The following BCL7A variants were observed in gnomAD, a reference collection of about 807,000 sequenced individuals.
The protein encoded by BCL7A is B-cell CLL/lymphoma 7 protein family member A.
BCL7A carries 11 observed loss-of-function variants against 28.4 expected under a neutral mutation model. That is an observed-to-expected ratio of 0.39 (90% CI 0.24 to 0.64). The LOEUF (loss-of-function observed/expected upper bound fraction) is 0.64. BCL7A is among the 30% of genes least tolerant of loss of function. BCL7A has a pLI of 0.50. For missense variants in BCL7A, 222 were observed against 274.8 expected, an observed-to-expected ratio of 0.81 and a Z score of 1.36; for synonymous variants, 123 against 103.3, an observed-to-expected ratio of 1.19 and a Z score of -1.15.
chr12:122,031,832 C>T (rs76673397), intron 2 of BCL7A, among the ~76,000 whole-genome samples: 12,155 of 152,208 alleles, frequency 0.08, 671 homozygotes, highest in African/African-American at 0.16. Context: ...GCAACTGCCC[C>T]GAGCAGACAG....
At position 122,029,819 on chromosome 12, in the gene BCL7A, G is replaced by T. The variant is rs192315643; in HGVS notation, c.93-881G>T. On this transcript the variant is annotated intron_variant, in intron 1 of 5. Coordinates refer to ENST00000261822, the MANE Select transcript of BCL7A (RefSeq NM_001024808.3). The surrounding 1 kb of genome is among the most constrained non-coding windows in gnomAD (Gnocchi z 4.3). ...TAAGGGACAAGTCGGAGTGCAGGGG[G>T]TCAAGGACAGGAGGTGGCTGGCTGT... 2.6e-5 allele frequency among the ~76,000 whole-genome samples: 4 copies of T among 152,200 alleles called. No individual in the cohort carries two copies. The highest frequency in any genetic ancestry group is 5.9e-5 in the Non-Finnish European group (4 of 68,040).
At chr12:122,046,326 C>A (rs1417982658) in intron 4 of BCL7A, among the ~76,000 whole-genome samples, 1 of 152,116 alleles carries the variant, frequency 6.6e-6, no homozygotes, top group East Asian at 1.9e-4. Flanking sequence ...AGCTGGCGAG[C>A]ATGGAATGTG....
At chr12:122,038,213 C>G (rs1883894277) in intron 3 of BCL7A, among the ~76,000 whole-genome samples, 1 of 151,922 alleles carries the variant, frequency 6.6e-6, no homozygotes, top group Admixed American at 6.6e-5. Context: ...GGGCGGGTCA[C>G]TTGAGGCCAG....
Position 122,062,014 on chromosome 12 carries a change from A to T in BCL7A, c.*2851A>T, listed in dbSNP as rs1274317449. 1.1e-5 allele frequency: 2 copies of T among 183,288 alleles called. No homozygotes were observed. The highest frequency in any genetic ancestry group is 1.3e-4 in the Admixed American group (2 of 15,902). The allele number at this position is 183,288 out of a possible 1,614,324, so 11.4% of individuals were successfully genotyped here. On this transcript the variant is annotated 3_prime_UTR_variant, in exon 6 of 6. Coordinates refer to ENST00000261822, the MANE Select transcript of BCL7A (RefSeq NM_001024808.3). ...GGTTTGTACAATGTACAATTGTTTC[A>T]TTTCAGAAAATAAAAATTTCAAATC...
At position 122,059,082 on chromosome 12, in the gene BCL7A, T is replaced by A; in HGVS notation, c.562-10T>A. ...ATTAACCTGTGTTCCCCTTTTCTCCTCTCCCCAAGGATTTGGAAGGAGTGC... is the reference window on the plus strand; with the variant it reads ...ATTAACCTGTGTTCCCCTTTTCTCCACTCCCCAAGGATTTGGAAGGAGTGC... On this transcript the variant is annotated splice_polypyrimidine_tract_variant and intron_variant, in intron 5 of 5. Coordinates refer to ENST00000261822, the MANE Select transcript of BCL7A (RefSeq NM_001024808.3). The surrounding 1 kb of genome is among the most constrained non-coding windows in gnomAD (Gnocchi z 4.0). 6.3e-7 allele frequency: 1 copy of A among 1,599,850 alleles called. No homozygotes were observed. Among genetic ancestry groups the A allele is most frequent in the Non-Finnish European group, 8.6e-7 (1 of 1,167,122 alleles).
intron 4 of BCL7A, among the ~76,000 whole-genome samples, chr12:122,052,316 G>A (rs55947116): frequency 1.8e-3 from 276 of 152,290 alleles, no homozygotes; most frequent in Admixed American, 5.0e-3. Flanking sequence ...GTACAGGTGT[G>A]AGCAACTACA....
intron 5 of BCL7A, among the ~76,000 whole-genome samples, chr12:122,057,608 C>G (rs1951887865): frequency 6.6e-6 from 1 of 151,920 alleles, no homozygotes; most frequent in South Asian, 2.1e-4. Context: ...TGGGGAGCAC[C>G]AGTTAGGATG....
chr12:122,043,633 G>A (rs139843860), intron 3 of BCL7A, among the ~76,000 whole-genome samples: 6,714 of 151,744 alleles, frequency 0.044, 480 homozygotes, highest in African/African-American at 0.15. Flanking sequence ...TTAGCCAGGC[G>A]TGGTGGCAAG....
chr12:122,056,973 A>T (rs1357199701), intron 5 of BCL7A, among the ~76,000 whole-genome samples: 2 of 152,244 alleles, frequency 1.3e-5, no homozygotes, highest in Middle Eastern at 3.4e-3. Context: ...ATCTCTGAGA[A>T]CCCACCATGG....
chr12:122,026,279 A>AG (rs1262026613), intron 1 of BCL7A, among the ~76,000 whole-genome samples: 141 of 151,014 alleles, frequency 9.3e-4, no homozygotes, highest in African/African-American at 3.1e-3. Context: ...AAAAAAAAAA[A>AG]AAAAAAGAAA....
intron 4 of BCL7A, among the ~76,000 whole-genome samples, chr12:122,047,788 A>T (rs951402692): frequency 1.3e-5 from 2 of 151,876 alleles, no homozygotes; most frequent in Non-Finnish European, 2.9e-5. Flanking sequence ...GGCCTCCCAA[A>T]GTGCTGAGAT....
intron 1 of BCL7A, among the ~76,000 whole-genome samples, chr12:122,025,328 G>A (rs544857414): frequency 6.6e-6 from 1 of 151,282 alleles, no homozygotes; most frequent in Non-Finnish European, 1.5e-5. Context: ...CAAAAAAAAA[G>A]AAAAAGAAAA....
At chr12:122,046,784 A>C (rs1231501795) in intron 4 of BCL7A, among the ~76,000 whole-genome samples, 1 of 152,188 alleles carries the variant, frequency 6.6e-6, no homozygotes, top group Non-Finnish European at 1.5e-5. Flanking sequence ...GCTGAAGCAG[A>C]AGAGACCCTT....
At chr12:122,050,992 C>T (rs1441191076) in intron 4 of BCL7A, among the ~76,000 whole-genome samples, 4 of 152,172 alleles carry the variant, frequency 2.6e-5, no homozygotes, top group African/African-American at 9.7e-5. Flanking sequence ...CGTGTGCAGC[C>T]GCGTTCCTGC....
At chr12:122,053,635 G>A (rs1402155405) in intron 4 of BCL7A, among the ~76,000 whole-genome samples, 1 of 151,998 alleles carries the variant, frequency 6.6e-6, no homozygotes, top group Non-Finnish European at 1.5e-5. Flanking sequence ...TCTGTGTCCA[G>A]TAAGCTTTAG....
intron 3 of BCL7A, among the ~76,000 whole-genome samples, chr12:122,042,114 G>A (rs1270182589): frequency 6.6e-6 from 1 of 152,070 alleles, no homozygotes; most frequent in Non-Finnish European, 1.5e-5. Flanking sequence ...GGGGGTGCAG[G>A]ACAAGGGGAG....
chr12:122,025,348 G>A (rs1025513594), intron 1 of BCL7A, among the ~76,000 whole-genome samples: 2 of 151,736 alleles, frequency 1.3e-5, no homozygotes, highest in African/African-American at 4.8e-5. Context: ...AAAAAGAGCC[G>A]GGCGCGGTGG....
chr12:122,035,186 TG>T, intron 2 of BCL7A, 144 bp from the exon 3 acceptor site: 1 of 663,960 alleles, frequency 1.5e-6, no homozygotes, highest in Non-Finnish European at 2.6e-6. Flanking sequence ...TGTTCAAATG[TG>T]GGCCCAGGAA....
intron 4 of BCL7A, among the ~76,000 whole-genome samples, chr12:122,047,656 C>G (rs12228403): frequency 6.6e-6 from 1 of 152,062 alleles, no homozygotes; most frequent in African/African-American, 2.4e-5. Context: ...TCCCAAGTAA[C>G]TGGGACTACA....
Sources: allele counts gnomAD v4.1 joint callset (sites outside exome capture counted in the v4.1 genomes callset), GRCh38; gene constraint gnomAD v4.1.1; non-coding constraint Gnocchi (gnomAD v3.1); transcripts MANE v1.5; gene names NCBI Gene and HGNC (gene_info 2026-07-23, HGNC 2026-07-21).